BRIP1: variants seen among roughly 807,000 people sequenced by gnomAD.
The protein encoded by BRIP1 is Fanconi anemia group J protein.
In BRIP1, 88 loss-of-function variants were observed where a neutral mutation model predicts 119.7. The ratio of observed to expected loss-of-function variants is 0.74; its 90% CI spans 0.62 to 0.88. BRIP1 has a LOEUF of 0.88. Ranked by LOEUF, BRIP1 falls within the 40% of genes least tolerant of loss-of-function variation. The pLI, the probability that BRIP1 is intolerant of heterozygous loss-of-function variation, is 0.00. For missense variants in BRIP1, 1,259 were observed against 1,455.4 expected (o/e 0.87, Z 2.20); for synonymous variants, 443 against 496.5 (o/e 0.89, Z 1.43).
chr17:61,750,148 C>T (rs112941664), intron 14 of BRIP1, among the ~76,000 whole-genome samples: 323 of 152,274 alleles, frequency 2.1e-3, no homozygotes, highest in Non-Finnish European at 3.5e-3. Context: ...GAGTATGCTA[C>T]GAGCTTCTTA....
intron 16 of BRIP1, among the ~76,000 whole-genome samples, chr17:61,728,076 G>T (rs575627489): frequency 1.3e-5 from 2 of 151,854 alleles, no homozygotes; most frequent in Admixed American, 1.3e-4. Flanking sequence ...TGATCCACCC[G>T]CCTCAGCCTC....
At position 61,729,830 on chromosome 17, in the gene BRIP1, T is replaced by C. The variant is rs975521742; in HGVS notation, c.2379+13183A>G. Among the ~76,000 whole-genome samples the C allele has an allele frequency of 6.6e-6, 1 of 151,944 alleles. No individual in the cohort carries two copies. Among genetic ancestry groups the C allele is most frequent in the Non-Finnish European group, 1.5e-5 (1 of 68,000 alleles). On this transcript the variant is annotated intron_variant, in intron 16 of 19. Coordinates refer to ENST00000259008, the MANE Select transcript of BRIP1 (RefSeq NM_032043.3). This position sits in a 1 kb window ranked among gnomAD's most constrained non-coding sequence, Gnocchi z 5.6. ...AGATAATGGCAATGTCTAGAGATAT[T>C]TTGGGTTATCACAACTGGTGGCAGG...
rs988686921 is a variant in BRIP1, at chr17:61,699,530, T to C, written c.2493-6018A>G. Among the ~76,000 whole-genome samples, 5 of 152,202 alleles carry C rather than the reference T, an allele frequency of 3.3e-5. No individual in the cohort carries two copies. Among genetic ancestry groups the C allele is most frequent in the Admixed American group, 2.6e-4 (4 of 15,278 alleles). ...AGGAAAATTGCCAACTTAATTTCAA[T>C]AGTACAAAAAAATGGTCCTTCTGTT... On this transcript the variant is annotated intron_variant, in intron 17 of 19. Coordinates refer to ENST00000259008, the MANE Select transcript of BRIP1 (RefSeq NM_032043.3). The surrounding 1 kb of genome is among the most constrained non-coding windows in gnomAD (Gnocchi z 4.8).
At chr17:61,702,891 C>T (rs896798230) in intron 17 of BRIP1, among the ~76,000 whole-genome samples, 1 of 151,862 alleles carries the variant, frequency 6.6e-6, no homozygotes, top group African/African-American at 2.4e-5. Flanking sequence ...AAACTGCTTT[C>T]CACAGTGGCT....
chr17:61,737,166 A>G (rs1173901348), intron 16 of BRIP1, among the ~76,000 whole-genome samples: 1 of 152,196 alleles, frequency 6.6e-6, no homozygotes, highest in Non-Finnish European at 1.5e-5. Context: ...TTGAGGAACA[A>G]AAAGCACATG....
intron 17 of BRIP1, among the ~76,000 whole-genome samples, chr17:61,697,336 C>CAAAAAAAAAAAAAAA (rs55963888): frequency 3.4e-5 from 2 of 59,170 alleles, no homozygotes; most frequent in Admixed American, 2.5e-4. Context: ...GACTCTGTCT[C>CAAAAAAAAAAAAAAA]AAAAAAAAAA....
rs1433466835 is a variant in BRIP1, at chr17:61,767,906, C to T, written c.2097+8495G>A. On this transcript the variant is annotated intron_variant, in intron 14 of 19. Coordinates refer to ENST00000259008, the MANE Select transcript of BRIP1 (RefSeq NM_032043.3). The surrounding 1 kb of genome is among the most constrained non-coding windows in gnomAD (Gnocchi z 5.7). ...ACATCTACCAGTAGAAATCTATCCACCTTTCTTTAATACCCACTGAAATAT... is the reference window on the plus strand; with the variant it reads ...ACATCTACCAGTAGAAATCTATCCATCTTTCTTTAATACCCACTGAAATAT... 6.6e-6 allele frequency among the ~76,000 whole-genome samples: 1 copy of T among 152,162 alleles called. No individual in the cohort carries two copies. Among genetic ancestry groups the T allele is most frequent in the Non-Finnish European group, 1.5e-5 (1 of 68,036 alleles).
In BRIP1 at chr17:61,774,914, TCTC is replaced by T. The variant is rs1338196415; in HGVS notation, c.2097+1484_2097+1486del. 6.6e-5 allele frequency among the ~76,000 whole-genome samples: 10 copies of T among 152,204 alleles called. No individual in the cohort carries two copies. Among genetic ancestry groups the T allele is most frequent in the Admixed American group, 6.5e-4 (10 of 15,274 alleles). On this transcript the variant is annotated intron_variant, in intron 14 of 19. Transcript: ENST00000259008. The surrounding 1 kb of genome is among the most constrained non-coding windows in gnomAD (Gnocchi z 5.8). ...CTAGCAGAAAAATGTCACCCAGACATCTCCTATCTCCCTTTTTGTGACTATGAC... is the reference window on the plus strand; with the variant it reads ...CTAGCAGAAAAATGTCACCCAGACATCTATCTCCCTTTTTGTGACTATGAC...
In BRIP1 at chr17:61,695,056, G is replaced by A. The variant is rs1315744370; in HGVS notation, c.2493-1544C>T. 6.6e-6 allele frequency among the ~76,000 whole-genome samples: 1 copy of A among 151,888 alleles called. No homozygotes were observed. The highest frequency in any genetic ancestry group is 1.5e-5 in the Non-Finnish European group (1 of 67,914). ...CAATTTATCTGCTTTTTCTTTGGTT[G>A]CTTGTGCTTCTGATAGCAGATCTAA... On this transcript the variant is annotated intron_variant, in intron 17 of 19. Coordinates refer to ENST00000259008, the MANE Select transcript of BRIP1 (RefSeq NM_032043.3). This position sits in a 1 kb window ranked among gnomAD's most constrained non-coding sequence, Gnocchi z 4.3.
intron 18 of BRIP1, among the ~76,000 whole-genome samples, chr17:61,688,865 A>G (rs1281389735): frequency 2.0e-5 from 3 of 151,966 alleles, no homozygotes; most frequent in African/African-American, 7.2e-5. Flanking sequence ...AATTTCAACA[A>G]TGATAAAGAA....
At position 61,748,305 on chromosome 17, in the gene BRIP1, AC is replaced by A. The variant is rs1271569023; in HGVS notation, c.2098-3715del. On this transcript the variant is annotated intron_variant, in intron 14 of 19. Coordinates refer to ENST00000259008, the MANE Select transcript of BRIP1 (RefSeq NM_032043.3). The surrounding 1 kb of genome is among the most constrained non-coding windows in gnomAD (Gnocchi z 4.7). ...GGAACAGTTTCATCCCGAAACCATC[AC>A]CCCCACCCCCAACCCAGGTCTGTGG... Among the ~76,000 whole-genome samples, 1 of 151,716 alleles carries A rather than the reference AC, an allele frequency of 6.6e-6. No homozygotes were observed. The highest frequency in any genetic ancestry group is 2.4e-5 in the African/African-American group (1 of 41,250).
At position 61,792,673 on chromosome 17, in the gene BRIP1, G is replaced by A. The variant is rs75643416; in HGVS notation, c.1473+924C>T. Among the ~76,000 whole-genome samples the A allele has an allele frequency of 1.6e-3, 245 of 152,224 alleles. 3 individuals carry two copies. The East Asian group carries it at 0.02, about 12-fold the overall frequency. On this transcript the variant is annotated intron_variant, in intron 10 of 19. Transcript: ENST00000259008. Reference sequence around the variant, plus strand: ...TGCCAAGGGTTTGGTGGGTGTGGGCGTGGTGTGGTGGAGGGATGAATAGGT... The same window carrying A: ...TGCCAAGGGTTTGGTGGGTGTGGGCATGGTGTGGTGGAGGGATGAATAGGT...
At chr17:61,835,255 T>C (rs183566809) in intron 6 of BRIP1, among the ~76,000 whole-genome samples, 1 of 152,312 alleles carries the variant, frequency 6.6e-6, no homozygotes, top group Admixed American at 6.5e-5. Flanking sequence ...TGTATTTAAA[T>C]GAACTGATAG....
rs2061421333 is a variant in BRIP1 at position 61,689,803 on chromosome 17, G to T, written c.2575+3627C>A. On this transcript the variant is annotated intron_variant, in intron 18 of 19. Coordinates refer to ENST00000259008, the MANE Select transcript of BRIP1 (RefSeq NM_032043.3). This position sits in a 1 kb window ranked among gnomAD's most constrained non-coding sequence, Gnocchi z 4.5. ...AGGTAGGAGAATTGCTTGAGCCGAG[G>T]AGTTTGAGATTAGCCTGGGCAACAT... 6.6e-6 allele frequency among the ~76,000 whole-genome samples: 1 copy of T among 152,208 alleles called. No homozygotes were observed. The highest frequency in any genetic ancestry group is 1.5e-5 in the Non-Finnish European group (1 of 68,038).
rs1255095927 is a variant in BRIP1 at position 61,831,302 on chromosome 17, T to A, written c.627+15799A>T. On this transcript the variant is annotated intron_variant, in intron 6 of 19. Transcript: ENST00000259008. The surrounding 1 kb of genome is among the most constrained non-coding windows in gnomAD (Gnocchi z 4.1). ...TGTAAAGGAAGAAGTAAAACAGTAT[T>A]TACTAGAGAATGAAACATGCAACTT... 6.6e-6 allele frequency among the ~76,000 whole-genome samples: 1 copy of A among 152,146 alleles called. No individual in the cohort carries two copies. The highest frequency in any genetic ancestry group is 1.5e-5 in the Non-Finnish European group (1 of 68,026).
chr17:61,792,977 C>T (rs2077842325), intron 10 of BRIP1, among the ~76,000 whole-genome samples: 1 of 151,984 alleles, frequency 6.6e-6, no homozygotes, highest in African/African-American at 2.4e-5. Flanking sequence ...GAATTCTGGA[C>T]CTTCTGCTTA....
rs1299091712 is a variant in BRIP1, at chr17:61,703,862, G to A, written c.2493-10350C>T. 2.6e-5 allele frequency among the ~76,000 whole-genome samples: 4 copies of A among 152,128 alleles called. No individual in the cohort carries two copies. Among genetic ancestry groups the A allele is most frequent in the African/African-American group, 4.8e-5 (2 of 41,430 alleles). Reference sequence around the variant, plus strand: ...TCAATCTTCTGCTTACGGCTAGCCAGTTAGGTCCCACTTGTCAATTTTTGT... The same window carrying A: ...TCAATCTTCTGCTTACGGCTAGCCAATTAGGTCCCACTTGTCAATTTTTGT... On this transcript the variant is annotated intron_variant, in intron 17 of 19. Coordinates refer to ENST00000259008, the MANE Select transcript of BRIP1 (RefSeq NM_032043.3). This position sits in a 1 kb window ranked among gnomAD's most constrained non-coding sequence, Gnocchi z 5.0.
chr17:61,856,272 T>A lies in BRIP1; in HGVS notation c.379+786A>T, dbSNP rs1292484176. 6.6e-6 allele frequency among the ~76,000 whole-genome samples: 1 copy of A among 152,220 alleles called. No individual in the cohort carries two copies. The highest frequency in any genetic ancestry group is 2.4e-5 in the African/African-American group (1 of 41,460). On this transcript the variant is annotated intron_variant, in intron 4 of 19. Transcript: ENST00000259008. The surrounding 1 kb of genome is among the most constrained non-coding windows in gnomAD (Gnocchi z 5.1). ...TAGAGGAAGCTGACTCCATCCTTGA[T>A]TTTAGGAAATGGATACTCTTTGTTT...
rs573177371 is a variant in BRIP1 at position 61,705,785 on chromosome 17, T to C, written c.2492+10166A>G. Among the ~76,000 whole-genome samples the C allele has an allele frequency of 6.6e-6, 1 of 152,300 alleles. No homozygotes were observed. Among genetic ancestry groups the C allele is most frequent in the South Asian group, 2.1e-4 (1 of 4,826 alleles). ...ATCAGTTCAAAATATTTTCTAATTT[T>C]ACTTGAAACTTGCTGTTTTGCCTGT... On this transcript the variant is annotated intron_variant, in intron 17 of 19. Transcript: ENST00000259008. The surrounding 1 kb of genome is among the most constrained non-coding windows in gnomAD (Gnocchi z 5.0).
Sources: gnomAD v4.1 joint callset for allele counts (sites outside exome capture counted in the v4.1 genomes callset) on GRCh38, gnomAD v4.1.1 for gene constraint, Gnocchi (gnomAD v3.1) non-coding constraint, MANE v1.5 for transcripts, NCBI Gene and HGNC (gene_info 2026-07-23, HGNC 2026-07-21) for gene names.